The following FMN1 variants were observed in gnomAD, a reference collection of about 807,000 sequenced individuals.
The protein encoded by FMN1 is formin 1, also known as formin-1.
Under a neutral mutation model 132.4 loss-of-function variants are expected in FMN1, and 110 were observed. That is an observed-to-expected ratio of 0.83 (90% CI 0.71 to 0.97). The LOEUF is 0.97. Among genes scored for constraint, FMN1 ranks in the 50% least tolerant of loss-of-function variants. FMN1 has a pLI of 0.00. For missense variants in FMN1, 1,792 were observed against 1,705.3 expected (o/e 1.05, Z -0.90); for synonymous variants, 722 against 651.7 (o/e 1.11, Z -1.64).
intron 7 of FMN1, among the ~76,000 whole-genome samples, chr15:32,977,255 A>G (rs763197235): frequency 1.2e-4 from 18 of 152,218 alleles, no homozygotes; most frequent in Admixed American, 3.9e-4. Flanking sequence ...ATCGCCAATA[A>G]GAGATAGACT....
At chr15:32,960,126 A>G (rs2030339317) in intron 9 of FMN1, among the ~76,000 whole-genome samples, 1 of 152,198 alleles carries the variant, frequency 6.6e-6, no homozygotes, top group Non-Finnish European at 1.5e-5. Flanking sequence ...ATGGGAATAC[A>G]TTCTATGTAA....
intron 7 of FMN1, among the ~76,000 whole-genome samples, chr15:32,991,465 G>GC (rs1454063875): frequency 6.6e-6 from 1 of 152,130 alleles, no homozygotes; most frequent in Non-Finnish European, 1.5e-5. Flanking sequence ...GAAGGTAGGA[G>GC]CCCCAAATTC....
intron 17 of FMN1, among the ~76,000 whole-genome samples, chr15:32,855,185 A>G (rs2059102497): frequency 6.6e-6 from 1 of 151,274 alleles, no homozygotes. Context: ...AAAAAAAAGA[A>G]AAAAGAAAGA....
At chr15:32,885,833 C>A (rs1161691697) in intron 16 of FMN1, among the ~76,000 whole-genome samples, 3 of 150,956 alleles carry the variant, frequency 2.0e-5, no homozygotes, top group East Asian at 3.9e-4. Flanking sequence ...AAGACTCTGC[C>A]TGCCTGGAGA....
intron 4 of FMN1, among the ~76,000 whole-genome samples, chr15:33,134,776 C>T (rs1963693103): frequency 6.6e-6 from 1 of 152,176 alleles, no homozygotes; most frequent in African/African-American, 2.4e-5. Flanking sequence ...CCAAGGTGGG[C>T]AGATTACCTG....
intron 4 of FMN1, among the ~76,000 whole-genome samples, chr15:33,128,739 T>C (rs892970115): frequency 1.3e-5 from 2 of 152,164 alleles, no homozygotes; most frequent in African/African-American, 4.8e-5. Flanking sequence ...TTAAAGGTGA[T>C]GTGGTGAATT....
intron 16 of FMN1, among the ~76,000 whole-genome samples, chr15:32,862,687 T>C (rs1480914576): frequency 1.3e-5 from 2 of 152,226 alleles, no homozygotes; most frequent in Non-Finnish European, 2.9e-5. Context: ...CCAGATATAA[T>C]TCATCAAAAT....
At chr15:33,127,934 A>AG (rs1167156565) in intron 4 of FMN1, among the ~76,000 whole-genome samples, 5 of 152,122 alleles carry the variant, frequency 3.3e-5, no homozygotes, top group Admixed American at 6.6e-5. Context: ...ATAGAAGAAG[A>AG]GGCAGCAACA....
At chr15:33,190,451 T>C (rs930011572) in intron 2 of FMN1, among the ~76,000 whole-genome samples, 3 of 152,160 alleles carry the variant, frequency 2.0e-5, no homozygotes, top group Admixed American at 6.5e-5. Flanking sequence ...TCCTAATAAG[T>C]AGACAGTTCT....
chr15:33,021,796 G>C (rs2035429713), intron 6 of FMN1, among the ~76,000 whole-genome samples: 1 of 152,130 alleles, frequency 6.6e-6, no homozygotes, highest in Non-Finnish European at 1.5e-5. Context: ...TCATAATAGA[G>C]GTGCTAAGCA....
Position 32,842,247 on chromosome 15 carries a change from C to T in FMN1, c.3928+14768G>A, listed in dbSNP as rs75369673. On this transcript the variant is annotated intron_variant, in intron 17 of 20. Transcript: ENST00000616417. The stretch of plus-strand genomic sequence containing the variant: ...GCGAGACCACCATGCTATGAGAAAG[C>T]GCAAGCCATGTGGAGTGACTGCACG... 7.0e-3 allele frequency among the ~76,000 whole-genome samples: 1,060 copies of T among 152,306 alleles called. 12 individuals are homozygous for T. Among genetic ancestry groups the T allele is most frequent in the African/African-American group, 0.025 (1,022 of 41,562 alleles).
intron 19 of FMN1, among the ~76,000 whole-genome samples, chr15:32,788,307 G>C (rs1441069313): frequency 1.3e-5 from 2 of 152,222 alleles, no homozygotes; most frequent in Non-Finnish European, 2.9e-5. Flanking sequence ...AGAGTAGTCT[G>C]GGAGACAGTT....
chr15:33,149,937 T>A (rs1964377239), intron 4 of FMN1: 1 of 984,782 alleles, frequency 1.0e-6, no homozygotes, highest in African/African-American at 1.7e-5. Context: ...ATTTCATGTA[T>A]GCCTCTTAAC....
rs150772737 is a variant in FMN1 at position 33,186,848 on chromosome 15, C to T, written c.-196-6586G>A. On this transcript the variant is annotated intron_variant, in intron 2 of 20. Transcript: ENST00000616417. ...AGCAGAGGCTTCCAGTGGCCTCCTG[C>T]ATCAGGCTCACAGGTATCTCCCTGG... 4.7e-3 allele frequency among the ~76,000 whole-genome samples: 721 copies of T among 152,340 alleles called. 7 individuals carry two copies. The highest frequency in any genetic ancestry group is 0.017 in the African/African-American group (696 of 41,578).
At chr15:33,029,965 G>A (rs2035858251) in intron 6 of FMN1, among the ~76,000 whole-genome samples, 1 of 152,292 alleles carries the variant, frequency 6.6e-6, no homozygotes, top group South Asian at 2.1e-4. Context: ...AGACCATCCT[G>A]GCTAACAGGG....
chr15:33,117,252 G>A (rs1475855614), intron 4 of FMN1, among the ~76,000 whole-genome samples: 1 of 152,116 alleles, frequency 6.6e-6, no homozygotes, highest in Non-Finnish European at 1.5e-5. Context: ...GAAGTTATAC[G>A]CCCTCAGATT....
intron 4 of FMN1, among the ~76,000 whole-genome samples, chr15:33,090,517 T>C (rs2038865745): frequency 6.6e-6 from 1 of 152,104 alleles, no homozygotes; most frequent in Non-Finnish European, 1.5e-5. Context: ...CAAAACACCT[T>C]TCTGCAACCA....
Position 33,041,765 on chromosome 15 carries a change from T to C in FMN1, c.2161+23192A>G, listed in dbSNP as rs149476937. 2.9e-3 allele frequency among the ~76,000 whole-genome samples: 437 copies of C among 152,118 alleles called. 1 individual carries two copies. The highest frequency in any genetic ancestry group is 0.01 in the African/African-American group (416 of 41,526). On this transcript the variant is annotated intron_variant, in intron 6 of 20. Transcript: ENST00000616417. ...CCCTTGTGCATGATTGGCAGAAATA[T>C]AAATGAGGGAAGATGGAAGTGGCAG...
chr15:32,979,380 C>G (rs907971330), intron 7 of FMN1, among the ~76,000 whole-genome samples: 1 of 151,752 alleles, frequency 6.6e-6, no homozygotes, highest in East Asian at 1.9e-4. Context: ...ATGGTGAAAC[C>G]CCGTCTCTAC....
Sources: allele counts gnomAD v4.1 joint callset (sites outside exome capture counted in the v4.1 genomes callset), GRCh38; gene constraint gnomAD v4.1.1; transcripts MANE v1.5; gene names NCBI Gene and HGNC (gene_info 2026-07-23, HGNC 2026-07-21).